BNC2: variants seen among roughly 807,000 people sequenced by gnomAD.
BNC2 encodes the protein zinc finger protein basonuclin-2.
A neutral mutation model predicts 76.3 loss-of-function variants in BNC2; 20 were observed. The observed-to-expected ratio is 0.26, with a 90% CI of 0.18 to 0.38. BNC2 has a LOEUF of 0.38. Among genes scored for constraint, BNC2 ranks in the 10% least tolerant of loss-of-function variants. The probability of loss-of-function intolerance (pLI) is 1.00; values close to 1 mark genes in which losing one functional copy is unlikely to be tolerated. For synonymous variants in BNC2, 582 were observed against 514.8 expected, an observed-to-expected ratio of 1.13 and a Z score of -1.77; for missense variants, 1,382 against 1,399.8, an observed-to-expected ratio of 0.99 and a Z score of 0.20.
At chr9:16,427,666 T>C (rs545617051) in intron 6 of BNC2, among the ~76,000 whole-genome samples, 1 of 152,290 alleles carries the variant, frequency 6.6e-6, no homozygotes, top group South Asian at 2.1e-4. Context: ...TTGGAGAGTG[T>C]TGGGTTCAAA....
chr9:16,526,572 G>T (rs1817810233), intron 5 of BNC2, among the ~76,000 whole-genome samples: 1 of 135,350 alleles, frequency 7.4e-6, no homozygotes, highest in Admixed American at 8.7e-5. Flanking sequence ...TATATCCTCA[G>T]ACAAAGAAAT....
At chr9:16,676,385 A>G (rs1822643580) in intron 3 of BNC2, among the ~76,000 whole-genome samples, 1 of 152,254 alleles carries the variant, frequency 6.6e-6, no homozygotes, top group African/African-American at 2.4e-5. Context: ...ATTTAAGCCA[A>G]GAATTAAAAC....
intron 5 of BNC2, among the ~76,000 whole-genome samples, chr9:16,541,589 G>A (rs928822300): frequency 1.3e-5 from 2 of 152,180 alleles, no homozygotes; most frequent in Non-Finnish European, 2.9e-5. Flanking sequence ...ACTCTTTCCA[G>A]GGGAATTTAA....
At chr9:16,676,965 T>C (rs1822662226) in intron 3 of BNC2, among the ~76,000 whole-genome samples, 1 of 152,246 alleles carries the variant, frequency 6.6e-6, no homozygotes. Flanking sequence ...AAAAACATAG[T>C]TATCTTGTTC....
chr9:16,723,399 A>G (rs1166161786), intron 3 of BNC2, among the ~76,000 whole-genome samples: 1 of 152,138 alleles, frequency 6.6e-6, no homozygotes, highest in East Asian at 1.9e-4. Flanking sequence ...TGTATGAACT[A>G]TAAAGAAGAC....
intron 3 of BNC2, among the ~76,000 whole-genome samples, chr9:16,650,273 T>C (rs1049353816): frequency 6.6e-6 from 1 of 152,198 alleles, no homozygotes; most frequent in African/African-American, 2.4e-5. Flanking sequence ...AGGGCATAAA[T>C]AGGACCATTC....
intron 3 of BNC2, among the ~76,000 whole-genome samples, chr9:16,659,507 C>T (rs545867201): frequency 3.3e-5 from 5 of 151,122 alleles, no homozygotes; most frequent in African/African-American, 1.2e-4. Context: ...ACTCGGGAGG[C>T]TGAGGCAGGA....
intron 3 of BNC2, among the ~76,000 whole-genome samples, chr9:16,686,086 C>T (rs946934893): frequency 6.6e-6 from 1 of 152,012 alleles, no homozygotes; most frequent in African/African-American, 2.4e-5. Flanking sequence ...AGTTCCTTTA[C>T]GTTCTTAAAA....
chr9:16,821,449 A>G (rs1216560580), intron 1 of BNC2, among the ~76,000 whole-genome samples: 1 of 152,216 alleles, frequency 6.6e-6, no homozygotes, highest in Non-Finnish European at 1.5e-5. Context: ...ATTATTTCCA[A>G]TGCAAGGCAA....
At chr9:16,743,869 C>T (rs189249297) in intron 1 of BNC2, among the ~76,000 whole-genome samples, 1 of 152,280 alleles carries the variant, frequency 6.6e-6, no homozygotes, top group African/African-American at 2.4e-5. Flanking sequence ...AGGGGAAAAA[C>T]CTAAATGGAT....
chr9:16,418,900 C>CACACA lies in BNC2; in HGVS notation c.*88_*89insTGTGT, dbSNP rs1275778940. The CACACA allele has an allele frequency of 1.4e-3, 1,975 of 1,413,186 alleles. No homozygotes were observed. Among genetic ancestry groups the CACACA allele is most frequent in the Non-Finnish European group, 1.7e-3 (1,686 of 999,996 alleles). 87.5% of individuals were successfully genotyped at this position (1,413,186 alleles called of 1,614,324 possible). A position where few individuals can be genotyped will look rare whatever the true frequency, so the allele number is the denominator to read the frequency against. ...ACACACACACACACACACACACACA[C>CACACA]CCCAAGTACATAAGCGCACACTGAC... On this transcript the variant is annotated 3_prime_UTR_variant, in exon 7 of 7. Coordinates refer to ENST00000380672, the MANE Select transcript of BNC2 (RefSeq NM_017637.6).
intron 6 of BNC2, chr9:16,435,066 A>G (rs1422546386): frequency 4.2e-6 from 2 of 471,384 alleles, no homozygotes; most frequent in African/African-American, 2.0e-5. Flanking sequence ...GATGTCCTGG[A>G]CCTATGGTTC....
At chr9:16,422,745 G>A (rs1352264553) in intron 6 of BNC2, among the ~76,000 whole-genome samples, 1 of 152,174 alleles carries the variant, frequency 6.6e-6, no homozygotes, top group African/African-American at 2.4e-5. Flanking sequence ...AAATTCTTTA[G>A]AGGGTACCGA....
intron 3 of BNC2, among the ~76,000 whole-genome samples, chr9:16,711,576 GATACTTTGTTTTCAAATATTATTCC>G (rs1289618958): frequency 6.6e-6 from 1 of 152,188 alleles, no homozygotes; most frequent in Non-Finnish European, 1.5e-5. Context: ...AAACTATAGT[GATACTTTGTTTTCAAATATTATTCC>G]ATGTCTGAGC....
intron 4 of BNC2, chr9:16,579,885 T>C (rs1819584079): frequency 2.6e-6 from 1 of 384,764 alleles, no homozygotes; most frequent in African/African-American, 2.1e-5. Context: ...ATTTGGTTAT[T>C]TTTTAGCAGC....
At chr9:16,776,523 A>G (rs1281177908) in intron 1 of BNC2, among the ~76,000 whole-genome samples, 1 of 152,224 alleles carries the variant, frequency 6.6e-6, no homozygotes, top group Non-Finnish European at 1.5e-5. Flanking sequence ...TGTAGGCAAG[A>G]AACAGACACA....
chr9:16,510,371 A>C (rs1184643100), intron 5 of BNC2, among the ~76,000 whole-genome samples: 2 of 152,212 alleles, frequency 1.3e-5, no homozygotes, highest in Non-Finnish European at 2.9e-5. Context: ...TCGTCATGAA[A>C]AGAAAGCAAG....
intron 1 of BNC2, among the ~76,000 whole-genome samples, chr9:16,805,322 A>ATTT (rs1817880228): frequency 1.3e-5 from 2 of 150,524 alleles, no homozygotes; most frequent in South Asian, 2.1e-4. Context: ...GAAATTCATT[A>ATTT]TTTTTTTGTT....
intron 5 of BNC2, among the ~76,000 whole-genome samples, chr9:16,545,240 G>C (rs1326731646): frequency 4.6e-5 from 7 of 152,186 alleles, no homozygotes; most frequent in African/African-American, 1.7e-4. Context: ...GTGAAATCCA[G>C]GATTTAAGGC....
Sources: gnomAD v4.1 joint callset for allele counts (sites outside exome capture counted in the v4.1 genomes callset) on GRCh38, gnomAD v4.1.1 for gene constraint, MANE v1.5 for transcripts, NCBI Gene and HGNC (gene_info 2026-07-23, HGNC 2026-07-21) for gene names.